Variants in LMTK3 observed in about 807,000 individuals in gnomAD.
The protein encoded by LMTK3 is lemur tail kinase 3.
Under a neutral mutation model 116.7 loss-of-function variants are expected in LMTK3, and 27 were observed. That is an observed-to-expected ratio of 0.23 (90% confidence interval 0.17 to 0.32). The LOEUF (loss-of-function observed/expected upper bound fraction) is 0.32. Among genes scored for constraint, LMTK3 ranks in the 10% least tolerant of loss-of-function variants. The pLI, the probability that LMTK3 is intolerant of heterozygous loss-of-function variation, is 1.00. For synonymous variants in LMTK3, 965 were observed against 971.0 expected (o/e 0.99, Z 0.11); for missense variants, 1,764 against 2,068.5 (o/e 0.85, Z 2.86).
At position 48,500,759 on chromosome 19, in the gene LMTK3, G is replaced by GT. The variant is rs1259718844; in HGVS notation, c.1151+236dup. Among the ~76,000 whole-genome samples, 2 of 152,178 alleles carry GT rather than the reference G, an allele frequency of 1.3e-5. No homozygotes were observed. The highest frequency in any genetic ancestry group is 1.5e-5 in the Non-Finnish European group (1 of 68,028). ...CGCTGTGAGCTCTGGAATCAGACAG[G>GT]TAAGAAGCAGGGACCTCTTAGGGTG... On this transcript the variant is annotated intron_variant, in intron 10 of 14. Coordinates refer to ENST00000600059, the MANE Select transcript of LMTK3 (RefSeq NM_001388485.1). This position sits in a 1 kb window ranked among gnomAD's most constrained non-coding sequence, Gnocchi z 4.0.
intron 11 of LMTK3, among the ~76,000 whole-genome samples, chr19:48,496,797 G>C (rs1972335468): frequency 6.6e-6 from 1 of 152,234 alleles, no homozygotes; most frequent in Non-Finnish European, 1.5e-5. Context: ...GGGCCCTTGA[G>C]CCATCCACAG....
intron 14 of LMTK3, among the ~76,000 whole-genome samples, chr19:48,486,250 G>A (rs376003268): frequency 8.0e-5 from 12 of 149,610 alleles, no homozygotes; most frequent in South Asian, 2.1e-4. Flanking sequence ...TAGTAGAGAC[G>A]GGGTTTCACC....
At chr19:48,508,608 C>G (rs568932485) in intron 5 of LMTK3, among the ~76,000 whole-genome samples, 2 of 152,162 alleles carry the variant, frequency 1.3e-5, no homozygotes, top group African/African-American at 4.8e-5. Context: ...TCCGGAGGTT[C>G]AGAGGGGAGA....
chr19:48,489,571 C>G (rs1479358947), intron 14 of LMTK3, among the ~76,000 whole-genome samples: 2 of 152,146 alleles, frequency 1.3e-5, no homozygotes, highest in Non-Finnish European at 1.5e-5. Flanking sequence ...AACTCCGTCT[C>G]AAAAATACTA....
Position 48,497,621 on chromosome 19 carries a change from G to C in LMTK3, c.3448C>G (p.Leu1150Val), listed in dbSNP as rs1286199330. The change falls in exon 11 of 15, where the codon CTG (leucine) becomes GTG (valine). Residue 1150 changes from leucine to valine, a missense_variant. Physicochemically the swap from Leu to Val is conservative, Grantham distance 32 (BLOSUM62 1). Transcript: ENST00000600059. This position sits in a 1 kb window ranked among gnomAD's most constrained non-coding sequence, Gnocchi z 5.7. The part of the protein sequence containing the change: ...NTRPQPPPPP[L>V]PPPPEAQPRR... Reference sequence around the variant, plus strand: ...GGCTGTGCCTCCGGTGGCGGTGGCAGCGGTGGCGGCGGTGGCTGCGGCCTC... The same window carrying C: ...GGCTGTGCCTCCGGTGGCGGTGGCACCGGTGGCGGCGGTGGCTGCGGCCTC... 1 of 1,270,052 alleles carries C rather than the reference G, an allele frequency of 7.9e-7. No homozygotes were observed. Among genetic ancestry groups the C allele is most frequent in the African/African-American group, 1.5e-5 (1 of 64,536 alleles). 78.7% of individuals were successfully genotyped at this position (1,270,052 alleles called of 1,614,324 possible). A position where few individuals can be genotyped will look rare whatever the true frequency, so the allele number is the denominator to read the frequency against.
chr19:48,493,800 A>C lies in LMTK3; in HGVS notation c.3986T>G (p.Leu1329Arg). The C allele has an allele frequency of 6.6e-7, 1 of 1,510,022 alleles. No individual in the cohort carries two copies. The allele number at this position is 1,510,022 out of a possible 1,614,324, so 93.5% of individuals were successfully genotyped here. Residue 1329 changes from leucine (L) to arginine (R), a missense_variant, in exon 12 of 15, where the codon CTG becomes CGG. Around this residue, in one of 7 missense-constraint regions of LMTK3, gnomAD observed 281 missense variants for 301.4 expected, o/e 0.93. Transcript: ENST00000600059. ...DADAARPLRG[L>R]LKSPRGADEP... ...GTCGGCCCCGCGCGGAGACTTGAGC[A>C]GCCCCCGCAGCGGGCGGGCCGCGTC... is the stretch of plus-strand genomic sequence containing the variant.
At position 48,499,519 on chromosome 19, in the gene LMTK3, G is replaced by A. The variant is rs1005261121; in HGVS notation, c.1550C>T (p.Ala517Val). The change falls in exon 11 of 15, where the codon GCG becomes GTG. Residue 517 changes from alanine to valine, a missense_variant. By Grantham distance (64) the Ala-to-Val change is moderately conservative. Coordinates refer to ENST00000600059, the MANE Select transcript of LMTK3 (RefSeq NM_001388485.1). ...AGGCAGCACGCTGGGCGTGGACAGC[G>A]CCTCGTAGAAAGGGTTGGAGGGGTT... ...HANPSNPFYE[A>V]LSTPSVLPVI... The A allele has an allele frequency of 2.8e-6, 4 of 1,426,814 alleles. No individual in the cohort carries two copies. Among genetic ancestry groups the A allele is most frequent in the Non-Finnish European group, 2.8e-6 (3 of 1,078,514 alleles). 88.4% of individuals were successfully genotyped at this position (1,426,814 alleles called of 1,614,324 possible).
chr19:48,503,003 A>G lies in LMTK3; in HGVS notation c.558-7T>C. 6.2e-7 allele frequency: 1 copy of G among 1,602,292 alleles called. No individual in the cohort carries two copies. The highest frequency in any genetic ancestry group is 1.7e-4 in the Middle Eastern group (1 of 6,030). Reference sequence around the variant, plus strand: ...ATTGGGGTGCTGCAGGCTCCTGTGGAGTGAGGAGGTGGCTGAGTTGGGAAG... The same window carrying G: ...ATTGGGGTGCTGCAGGCTCCTGTGGGGTGAGGAGGTGGCTGAGTTGGGAAG... On this transcript the variant is annotated splice_region_variant and splice_polypyrimidine_tract_variant and intron_variant, in intron 5 of 14. Coordinates refer to ENST00000600059, the MANE Select transcript of LMTK3 (RefSeq NM_001388485.1).
Position 48,499,114 on chromosome 19 carries a change from TC to T in LMTK3, c.1954del (p.Glu652LysfsTer38). The T allele has an allele frequency of 1.9e-6, 3 of 1,557,040 alleles. No individual in the cohort carries two copies. The highest frequency in any genetic ancestry group is 2.4e-5 in the East Asian group (1 of 41,774). On this transcript the variant is annotated frameshift_variant, in exon 11 of 15. Coordinates refer to ENST00000600059, the MANE Select transcript of LMTK3 (RefSeq NM_001388485.1). LOFTEE classifies it high-confidence loss of function. ...EEEEEGSSPG[E>X]DSSSLGGGPS... is the part of the protein sequence containing the mutation. Reference sequence around the variant, plus strand: ...GCCACCTCCAAGGCTGCTGCTGTCTTCCCCTGGGGAGCTGCCCTCCTCCTCC... The same window carrying T: ...GCCACCTCCAAGGCTGCTGCTGTCTTCCCTGGGGAGCTGCCCTCCTCCTCC...
chr19:48,498,225 G>A lies in LMTK3; in HGVS notation c.2844C>T (p.Ala948=), dbSNP rs764862461. 1.5e-5 allele frequency: 24 copies of A among 1,613,020 alleles called. No individual in the cohort carries two copies. In the South Asian group the frequency reaches 2.5e-4, roughly 17 times the overall value. The part of the protein sequence containing the change: ...GIEEKAAENG[A]LGSPEREEKV... ...TCTCTTCTCTCTCGGGGGACCCCAG[G>A]GCCCCATTCTCCGCCGCCTTCTCCT... Residue 948 remains alanine, a synonymous_variant, in exon 11 of 15, where the codon GCC becomes GCT. Transcript: ENST00000600059.
In LMTK3 at chr19:48,491,298, G is replaced by GC; in HGVS notation, c.4229-54dup. ...GGCTGCAGACACCTGCGGCACTCCC[G>GC]CCCTCTGGTCCCGCCCCTCCCGACC... is the stretch of plus-strand genomic sequence containing the variant. On this transcript the variant is annotated intron_variant, in intron 13 of 14. Transcript: ENST00000600059. This position sits in a 1 kb window ranked among gnomAD's most constrained non-coding sequence, Gnocchi z 5.1. The GC allele has an allele frequency of 7.5e-7, 1 of 1,341,790 alleles. No individual in the cohort carries two copies. The highest frequency in any genetic ancestry group is 9.6e-7 in the Non-Finnish European group (1 of 1,041,642). The allele number at this position is 1,341,790 out of a possible 1,614,324, so 83.1% of individuals were successfully genotyped here.
rs2147523631 is a variant in LMTK3 at position 48,485,668 on chromosome 19, C to T, written c.*105G>A. 7.5e-7 allele frequency: 1 copy of T among 1,335,842 alleles called. No homozygotes were observed. 82.7% of individuals were successfully genotyped at this position (1,335,842 alleles called of 1,614,324 possible). ...GGGGAGGGCCCAGCCTCGGGGGCCT[C>T]CCCAGAGGCGGCGTCTGCGGTGGTG... On this transcript the variant is annotated 3_prime_UTR_variant, in exon 15 of 15. Coordinates refer to ENST00000600059, the MANE Select transcript of LMTK3 (RefSeq NM_001388485.1).
chr19:48,508,934 G>T lies in LMTK3; in HGVS notation c.474C>A (p.Pro158=), dbSNP rs999224904. ...ILGEIFSDYT[P]AQVVVKELRA... Reference sequence around the variant, plus strand: ...GGAGCTCCTTCACCACCACCTGGGCGGGGGTGTAGTCGGAGAAAATCTCTC... The same window carrying T: ...GGAGCTCCTTCACCACCACCTGGGCTGGGGTGTAGTCGGAGAAAATCTCTC... The change falls in exon 5 of 15, where the codon CCC becomes CCA. Residue 158 remains proline (P), a synonymous_variant. Transcript: ENST00000600059. The T allele has an allele frequency of 6.2e-7, 1 of 1,612,364 alleles. No homozygotes were observed. Among genetic ancestry groups the T allele is most frequent in the Admixed American group, 1.7e-5 (1 of 59,848 alleles).
upstream of LMTK3, among the ~76,000 whole-genome samples, chr19:48,512,939 C>T (rs1291724104): frequency 6.6e-6 from 1 of 152,150 alleles, no homozygotes; most frequent in Non-Finnish European, 1.5e-5. Flanking sequence ...GAGTTGCACA[C>T]ATCACATACC....
chr19:48,496,936 C>T (rs1452725947), intron 11 of LMTK3, among the ~76,000 whole-genome samples: 1 of 152,240 alleles, frequency 6.6e-6, no homozygotes, highest in Non-Finnish European at 1.5e-5. Flanking sequence ...GCTGCCCCTT[C>T]TACACAGGGC....
rs1972224529 is a variant in LMTK3 at position 48,491,474 on chromosome 19, A to G, written c.4158T>C (p.Pro1386=). 1 of 1,418,490 alleles carries G rather than the reference A, an allele frequency of 7.0e-7. No homozygotes were observed. 87.9% of individuals were successfully genotyped at this position (1,418,490 alleles called of 1,614,324 possible). ...PPEGDTDPST[P]PAPPTPPHPA... is the part of the protein sequence containing the mutation. ...GGTGGGGAGGTGTCGGGGGCGCTGG[A>G]GGCGTTGACGGGTCCGTGTCCCCCT... Residue 1386 remains proline (P), a synonymous_variant, in exon 13 of 15, where the codon CCT becomes CCC. Transcript: ENST00000600059. This position sits in a 1 kb window ranked among gnomAD's most constrained non-coding sequence, Gnocchi z 5.1.
chr19:48,498,284 G>C lies in LMTK3; in HGVS notation c.2785C>G (p.Leu929Val). The change falls in exon 11 of 15, where the codon CTG becomes GTG. Residue 929 changes from leucine (L) to valine (V), a missense_variant. By Grantham distance (32) the Leu-to-Val change is conservative (BLOSUM62 1). Around this residue, in one of 7 missense-constraint regions of LMTK3, gnomAD observed 1,028 missense variants for 1,050.6 expected, o/e 0.98. Coordinates refer to ENST00000600059, the MANE Select transcript of LMTK3 (RefSeq NM_001388485.1). The stretch of plus-strand genomic sequence containing the variant: ...GGGGCTCTCTGGTCCCCGTTCTCCA[G>C]CACTGTCACCCCGTTCACTGGGAGG... ...LSLPVNGVTV[L>V]ENGDQRAPGI... 1 of 1,613,322 alleles carries C rather than the reference G, an allele frequency of 6.2e-7. No homozygotes were observed. Among genetic ancestry groups the C allele is most frequent in the Non-Finnish European group, 8.5e-7 (1 of 1,179,724 alleles).
Position 48,491,508 on chromosome 19 carries a change from G to T in LMTK3, c.4124C>A (p.Ala1375Asp). ...CGGGTCCGTGTCCCCCTCGGGGGGG[G>T]CCTGGACGCTCAGCTCGTTGGTTGG... ...ETPTNELSVQ[A>D]PPEGDTDPST... Residue 1375 changes from alanine (A) to aspartate (D), a missense_variant, in exon 13 of 15, where the codon GCC becomes GAC. Coordinates refer to ENST00000600059, the MANE Select transcript of LMTK3 (RefSeq NM_001388485.1). This position sits in a 1 kb window ranked among gnomAD's most constrained non-coding sequence, Gnocchi z 5.1. The T allele has an allele frequency of 2.1e-6, 3 of 1,402,142 alleles. No individual in the cohort carries two copies. Among genetic ancestry groups the T allele is most frequent in the South Asian group, 3.4e-5 (2 of 59,692 alleles). 86.9% of individuals were successfully genotyped at this position (1,402,142 alleles called of 1,614,324 possible). A position where few individuals can be genotyped will look rare whatever the true frequency, so the allele number is the denominator to read the frequency against.
chr19:48,485,584 G>A lies in LMTK3; in HGVS notation c.*189C>T. ...TCAGGGGGGTCAGGGGAGCCATCTG[G>A]GGGGCTGGGGGGCGGGGGCCCGGGG... is the stretch of plus-strand genomic sequence containing the variant. On this transcript the variant is annotated 3_prime_UTR_variant, in exon 15 of 15. Transcript: ENST00000600059. 1 of 612,484 alleles carries A rather than the reference G, an allele frequency of 1.6e-6. No individual in the cohort carries two copies. Among genetic ancestry groups the A allele is most frequent in the East Asian group, 2.9e-5 (1 of 34,556 alleles). The allele number at this position is 612,484 out of a possible 1,614,324, so 37.9% of individuals were successfully genotyped here. A position where few individuals can be genotyped will look rare whatever the true frequency, so the allele number is the denominator to read the frequency against.
Sources: gnomAD v4.1 joint callset for allele counts (sites outside exome capture counted in the v4.1 genomes callset) on GRCh38, gnomAD v4.1.1 for gene constraint, gnomAD v4.1.1 regional missense constraint, Gnocchi (gnomAD v3.1) non-coding constraint, MANE v1.5 for transcripts, NCBI Gene and HGNC (gene_info 2026-07-23, HGNC 2026-07-21) for gene names.